The following NRXN3 variants were observed in gnomAD, a reference collection of about 807,000 sequenced individuals.
The protein encoded by NRXN3 is neurexin 3.
In NRXN3, 32 loss-of-function variants were observed where a neutral mutation model predicts 137.6. The observed-to-expected ratio is 0.23, with a 90% confidence interval of 0.18 to 0.31. The LOEUF (loss-of-function observed/expected upper bound fraction) is 0.31. NRXN3 is among the 10% of genes least tolerant of loss of function. NRXN3 has a pLI of 1.00. For synonymous variants in NRXN3, 798 were observed against 784.5 expected, an observed-to-expected ratio of 1.02 and a Z score of -0.29; for missense variants, 1,574 against 2,062.5, an observed-to-expected ratio of 0.76 and a Z score of 4.59.
intron 8 of NRXN3, among the ~76,000 whole-genome samples, chr14:78,749,132 A>C (rs1396618846): frequency 6.6e-6 from 1 of 152,204 alleles, no homozygotes; most frequent in Non-Finnish European, 1.5e-5. Flanking sequence ...TAAGGAAGTG[A>C]ACCAATTGAA....
At chr14:78,675,795 T>C (rs1567034864) in intron 6 of NRXN3, among the ~76,000 whole-genome samples, 1 of 152,194 alleles carries the variant, frequency 6.6e-6, no homozygotes, top group Non-Finnish European at 1.5e-5. Context: ...TTTTGAGTTA[T>C]TGAATTTTCT....
In NRXN3 at chr14:79,726,943, A is replaced by G. The variant is rs747050733; in HGVS notation, c.4014+29006A>G. On this transcript the variant is annotated intron_variant, in intron 19 of 20. Coordinates refer to ENST00000335750, the MANE Select transcript of NRXN3 (RefSeq NM_001330195.2). ...CCAATTCTAACATCAAGGAGAAGCC[A>G]CGTGCTTTGGCAAAGTTTGTGTATT... Among the ~76,000 whole-genome samples the G allele has an allele frequency of 4.1e-4, 63 of 152,162 alleles. 1 individual carries two copies. Among genetic ancestry groups the G allele is most frequent in the Admixed American group, 3.3e-4 (5 of 15,270 alleles).
chr14:78,683,814 A>C (rs565399759), intron 6 of NRXN3, among the ~76,000 whole-genome samples: 1 of 152,336 alleles, frequency 6.6e-6, no homozygotes, highest in East Asian at 1.9e-4. Flanking sequence ...GATCAATAGA[A>C]TATTTTGTCG....
chr14:78,702,666 A>G (rs919759093), intron 6 of NRXN3, among the ~76,000 whole-genome samples: 10 of 150,382 alleles, frequency 6.6e-5, no homozygotes, highest in African/African-American at 2.2e-4. Context: ...CTGGTCTTGA[A>G]CTCCTGGCCT....
intron 16 of NRXN3, among the ~76,000 whole-genome samples, chr14:79,533,821 A>G (rs529990731): frequency 2.0e-5 from 3 of 152,328 alleles, no homozygotes; most frequent in Admixed American, 6.5e-5. Context: ...AAGAGGCAAA[A>G]GAATGGATAG....
intron 2 of NRXN3, among the ~76,000 whole-genome samples, chr14:78,271,206 T>C: frequency 6.6e-6 from 1 of 152,228 alleles, no homozygotes. Flanking sequence ...TACGTGTCAC[T>C]GATGAAGTTT....
At chr14:79,412,403 G>A (rs2095429748) in intron 15 of NRXN3, among the ~76,000 whole-genome samples, 1 of 152,064 alleles carries the variant, frequency 6.6e-6, no homozygotes, top group Non-Finnish European at 1.5e-5. Flanking sequence ...AAGAAGCTAT[G>A]TTTGTCATAG....
intron 16 of NRXN3, among the ~76,000 whole-genome samples, chr14:79,532,022 CA>C (rs1443693301): frequency 2.6e-5 from 4 of 152,252 alleles, no homozygotes; most frequent in South Asian, 4.1e-4. Context: ...GTTCCGTGAT[CA>C]GGGGTGAAAA....
At chr14:78,539,618 T>C (rs1360402617) in intron 4 of NRXN3, among the ~76,000 whole-genome samples, 1 of 152,094 alleles carries the variant, frequency 6.6e-6, no homozygotes, top group Non-Finnish European at 1.5e-5. Flanking sequence ...TTTCAGTTCT[T>C]CCCTGATCTT....
At chr14:79,632,092 T>C (rs1334303447) in intron 16 of NRXN3, among the ~76,000 whole-genome samples, 1 of 152,142 alleles carries the variant, frequency 6.6e-6, no homozygotes, top group Non-Finnish European at 1.5e-5. Flanking sequence ...CAATAAATCT[T>C]GCTGCTACTC....
At chr14:78,669,751 A>G (rs771344496) in intron 6 of NRXN3, among the ~76,000 whole-genome samples, 3 of 152,182 alleles carry the variant, frequency 2.0e-5, no homozygotes, top group Non-Finnish European at 2.9e-5. Flanking sequence ...TAACATGCTA[A>G]TAACTATAAT....
chr14:78,707,207 A>G (rs925496896), intron 6 of NRXN3, among the ~76,000 whole-genome samples: 2 of 152,180 alleles, frequency 1.3e-5, no homozygotes, highest in African/African-American at 4.8e-5. Context: ...GAGGAAACAG[A>G]CTCAGAAAAT....
At chr14:79,457,503 A>C (rs1250510833) in intron 15 of NRXN3, among the ~76,000 whole-genome samples, 1 of 152,234 alleles carries the variant, frequency 6.6e-6, no homozygotes, top group East Asian at 1.9e-4. Context: ...GAACAGAAGC[A>C]TGGACTTTAA....
At chr14:79,431,122 C>T (rs755049766) in intron 15 of NRXN3, among the ~76,000 whole-genome samples, 2 of 152,046 alleles carry the variant, frequency 1.3e-5, no homozygotes, top group Non-Finnish European at 2.9e-5. Flanking sequence ...TATTCACAAC[C>T]TGTAAACTAA....
chr14:78,706,397 A>C (rs1337061463), intron 6 of NRXN3, among the ~76,000 whole-genome samples: 1 of 152,234 alleles, frequency 6.6e-6, no homozygotes, highest in Non-Finnish European at 1.5e-5. Context: ...AGTTTAGCTA[A>C]AATGAAAAAT....
intron 15 of NRXN3, among the ~76,000 whole-genome samples, chr14:79,053,017 T>G (rs2099644205): frequency 6.6e-6 from 1 of 152,240 alleles, no homozygotes; most frequent in African/African-American, 2.4e-5. Flanking sequence ...CATGTTTCAC[T>G]CTCATCAACT....
At chr14:79,421,741 T>A (rs2095578313) in intron 15 of NRXN3, among the ~76,000 whole-genome samples, 1 of 152,210 alleles carries the variant, frequency 6.6e-6, no homozygotes. Context: ...AGGTGCAACA[T>A]GGCATAAAAG....
chr14:78,977,946 A>G (rs2099474261), intron 14 of NRXN3, among the ~76,000 whole-genome samples: 1 of 152,132 alleles, frequency 6.6e-6, no homozygotes, highest in African/African-American at 2.4e-5. Flanking sequence ...CTAGTGATAT[A>G]TCACCAATAA....
intron 20 of NRXN3, among the ~76,000 whole-genome samples, chr14:79,838,813 G>C (rs1232486060): frequency 1.3e-5 from 2 of 152,168 alleles, no homozygotes; most frequent in Non-Finnish European, 2.9e-5. Context: ...CTTCTGGCCT[G>C]CCTGAGACTG....
Sources: gnomAD v4.1 joint callset for allele counts (sites outside exome capture counted in the v4.1 genomes callset) on GRCh38, gnomAD v4.1.1 for gene constraint, MANE v1.5 for transcripts, NCBI Gene and HGNC (gene_info 2026-07-23, HGNC 2026-07-21) for gene names.